The following TNFAIP8 variants were observed in gnomAD, a reference collection of about 807,000 sequenced individuals.
TNFAIP8 encodes the protein tumor necrosis factor alpha-induced protein 8.
TNFAIP8 carries 7 observed loss-of-function variants against 13.3 expected under a neutral mutation model. The observed-to-expected ratio is 0.52, with a 90% CI of 0.30 to 0.99. The LOEUF (loss-of-function observed/expected upper bound fraction) is 0.99. Among genes scored for constraint, TNFAIP8 ranks in the 50% least tolerant of loss-of-function variants. The probability of loss-of-function intolerance (pLI) is 0.07; values close to 1 mark genes in which losing one functional copy is unlikely to be tolerated. For synonymous variants in TNFAIP8, 94 were observed against 87.6 expected (o/e 1.07, Z -0.41); for missense variants, 258 against 236.9 (o/e 1.09, Z -0.58).
At chr5:119,346,210 G>T (rs1446996494) in intron 1 of TNFAIP8, among the ~76,000 whole-genome samples, 2 of 152,184 alleles carry the variant, frequency 1.3e-5, no homozygotes, top group Admixed American at 6.5e-5. Context: ...TTCACTGGAT[G>T]CATTCTGCTG....
At chr5:119,377,716 C>G (rs1465941402) in intron 1 of TNFAIP8, among the ~76,000 whole-genome samples, 1 of 152,032 alleles carries the variant, frequency 6.6e-6, no homozygotes, top group Non-Finnish European at 1.5e-5. Flanking sequence ...GCAAACCCCT[C>G]GTTAGAACCT....
At chr5:119,350,666 C>T (rs569980959) in intron 1 of TNFAIP8, among the ~76,000 whole-genome samples, 8 of 152,266 alleles carry the variant, frequency 5.3e-5, no homozygotes, top group Admixed American at 1.3e-4. Flanking sequence ...TGCTCATCTC[C>T]GATGTCAGCA....
chr5:119,373,550 A>G (rs1279631732), intron 1 of TNFAIP8, among the ~76,000 whole-genome samples: 1 of 152,210 alleles, frequency 6.6e-6, no homozygotes, highest in Non-Finnish European at 1.5e-5. Context: ...AGGAGTTAAC[A>G]TGCATACAAG....
chr5:119,362,439 G>A (rs914718144), intron 1 of TNFAIP8, among the ~76,000 whole-genome samples: 1 of 152,174 alleles, frequency 6.6e-6, no homozygotes. Flanking sequence ...TCATGACTTT[G>A]TTCCTGGTTG....
intron 1 of TNFAIP8, among the ~76,000 whole-genome samples, chr5:119,278,895 A>C (rs1192985036): frequency 6.6e-6 from 1 of 152,160 alleles, no homozygotes; most frequent in Non-Finnish European, 1.5e-5. Context: ...ATCTTGAAGC[A>C]GTGATTTTTT....
In TNFAIP8 at chr5:119,271,980, T is replaced by C. The variant is rs188733451; in HGVS notation, c.1+3073T>C. ...GCCCTGGAGTCTGAGCCAACTGCAG[T>C]TTCTAGGCTTCTATACTTCAGTTGT... On this transcript the variant is annotated intron_variant, in intron 1 of 1. Coordinates refer to the TNFAIP8 transcript ENST00000274456. 3.4e-4 allele frequency among the ~76,000 whole-genome samples: 52 copies of C among 152,262 alleles called. 1 individual carries two copies. Among genetic ancestry groups the C allele is most frequent in the Admixed American group, 7.2e-4 (11 of 15,290 alleles).
Position 119,397,592 on chromosome 5 carries a change from A to T in TNFAIP8, c.*4211A>T, listed in dbSNP as rs1341625771. On this transcript the variant is annotated 3_prime_UTR_variant, in exon 2 of 2. Transcript: ENST00000504771. ...CACAGTGCTGTTTATGACAGAAAAA[A>T]TTTTATCCTACCTCTGAAATAATTG... The T allele has an allele frequency of 1.3e-5, 2 of 152,204 alleles. No individual in the cohort carries two copies. The highest frequency in any genetic ancestry group is 2.9e-5 in the Non-Finnish European group (2 of 68,026). The allele number at this position is 152,204 out of a possible 1,614,324, so 9.4% of individuals were successfully genotyped here.
intron 1 of TNFAIP8, among the ~76,000 whole-genome samples, chr5:119,325,058 A>T (rs1344118954): frequency 6.6e-6 from 1 of 151,986 alleles, no homozygotes; most frequent in Non-Finnish European, 1.5e-5. Context: ...ACATAGCAAG[A>T]CCCTGTCTCT....
At chr5:119,303,178 A>C (rs953650965) in intron 1 of TNFAIP8, among the ~76,000 whole-genome samples, 1 of 152,128 alleles carries the variant, frequency 6.6e-6, no homozygotes, top group Non-Finnish European at 1.5e-5. Flanking sequence ...AAACATTCCA[A>C]TTCAATTAGA....
intron 1 of TNFAIP8, among the ~76,000 whole-genome samples, chr5:119,327,298 T>C (rs1227772434): frequency 6.6e-6 from 1 of 152,108 alleles, no homozygotes; most frequent in African/African-American, 2.4e-5. Context: ...AGGGTACAGA[T>C]GGGAAGAGGC....
chr5:119,302,640 T>G lies in TNFAIP8; in HGVS notation c.1+33733T>G, dbSNP rs139430567. Among the ~76,000 whole-genome samples, 1,206 of 152,310 alleles carry G rather than the reference T, an allele frequency of 7.9e-3. 9 individuals are homozygous for G. Among genetic ancestry groups the G allele is most frequent in the Non-Finnish European group, 0.012 (798 of 68,032 alleles). On this transcript the variant is annotated intron_variant, in intron 1 of 1. Coordinates refer to the TNFAIP8 transcript ENST00000274456. ...TCAGTGGACATTTCGTGAGCTCATC[T>G]GGAGGGTGTTGCTCACTTGACCATC...
chr5:119,379,750 C>T (rs1303068081), intron 1 of TNFAIP8, among the ~76,000 whole-genome samples: 1 of 152,008 alleles, frequency 6.6e-6, no homozygotes. Context: ...ACCACAACAC[C>T]TGGGTAATTT....
chr5:119,373,452 A>G (rs1752164054), intron 1 of TNFAIP8, among the ~76,000 whole-genome samples: 4 of 152,222 alleles, frequency 2.6e-5, no homozygotes, highest in African/African-American at 9.6e-5. Flanking sequence ...GAAAGTGACT[A>G]GGGATAAGTT....
intron 1 of TNFAIP8, among the ~76,000 whole-genome samples, chr5:119,318,641 T>C (rs538757406): frequency 2.1e-4 from 27 of 128,180 alleles, no homozygotes; most frequent in African/African-American, 6.8e-4. Context: ...ATACCTGTTA[T>C]AGTTTTTCAG....
intron 1 of TNFAIP8, among the ~76,000 whole-genome samples, chr5:119,280,126 A>T (rs1748582540): frequency 6.6e-6 from 1 of 152,198 alleles, no homozygotes; most frequent in South Asian, 2.1e-4. Flanking sequence ...CAAAGCAAAC[A>T]CCCATATATA....
intron 1 of TNFAIP8, among the ~76,000 whole-genome samples, chr5:119,278,319 G>A (rs914594118): frequency 1.9e-4 from 28 of 149,782 alleles, no homozygotes; most frequent in Non-Finnish European, 3.8e-4. Context: ...GGTATCACAG[G>A]TTCCTGCCAA....
intron 1 of TNFAIP8, among the ~76,000 whole-genome samples, chr5:119,330,280 G>C (rs1750336571): frequency 6.6e-6 from 1 of 152,174 alleles, no homozygotes; most frequent in African/African-American, 2.4e-5. Flanking sequence ...AAAGGCCAAG[G>C]TGTTTTGTAG....
intron 1 of TNFAIP8, among the ~76,000 whole-genome samples, chr5:119,277,239 G>A (rs1748483865): frequency 6.6e-6 from 1 of 152,112 alleles, no homozygotes; most frequent in Admixed American, 6.5e-5. Flanking sequence ...TGTTGTGATT[G>A]TCATATGGTT....
chr5:119,320,895 A>AC (rs1750033610), intron 1 of TNFAIP8, among the ~76,000 whole-genome samples: 3 of 150,602 alleles, frequency 2.0e-5, no homozygotes, highest in African/African-American at 7.4e-5. Flanking sequence ...TAAAAAAAAA[A>AC]CAAAAAACGA....
Sources: gnomAD v4.1 joint callset for allele counts (sites outside exome capture counted in the v4.1 genomes callset) on GRCh38, gnomAD v4.1.1 for gene constraint, MANE v1.5 for transcripts, NCBI Gene and HGNC (gene_info 2026-07-23, HGNC 2026-07-21) for gene names.